Variants in ZNF345 observed in about 807,000 individuals in gnomAD.
ZNF345 encodes zinc finger protein HZF10.
For missense variants in ZNF345, 527 were observed against 589.9 expected, an observed-to-expected ratio of 0.89 and a Z score of 1.10; for synonymous variants, 166 against 187.9, an observed-to-expected ratio of 0.88 and a Z score of 0.95.
intron 2 of ZNF345, among the ~76,000 whole-genome samples, chr19:36,852,491 G>A (rs1432539261): frequency 6.6e-6 from 1 of 151,890 alleles, no homozygotes; most frequent in Non-Finnish European, 1.5e-5. Flanking sequence ...CGCGCCTGTA[G>A]TCCCAGCTAC....
chr19:36,890,932 A>ATTC (rs1213955288), intron 3 of ZNF345: 1 of 152,274 alleles, frequency 6.6e-6, no homozygotes, highest in Non-Finnish European at 1.5e-5. Flanking sequence ...AGACAAAATC[A>ATTC]TTCTAACAGG....
chr19:36,887,037 C>T (rs2073004935), intron 3 of ZNF345, among the ~76,000 whole-genome samples: 1 of 150,936 alleles, frequency 6.6e-6, no homozygotes, highest in Non-Finnish European at 1.5e-5. Context: ...GTGGTGGGTG[C>T]CTGTAATCCC....
At chr19:36,852,877 G>GT (rs974865014) in intron 2 of ZNF345, among the ~76,000 whole-genome samples, 2,172 of 137,510 alleles carry the variant, frequency 0.016, 22 homozygotes, top group Non-Finnish European at 0.025. Context: ...TGTTTTTTTT[G>GT]TTTTTTTTTT....
rs2073067213 is a variant in ZNF345, at chr19:36,892,493, A to C, written c.47-325A>C. The C allele has an allele frequency of 2.1e-5, 32 of 1,537,832 alleles. No individual in the cohort carries two copies. The East Asian group carries it at 7.2e-4, about 35-fold the overall frequency. On this transcript the variant is annotated intron_variant, in intron 3 of 3. Transcript: ENST00000526123. ...AGATCTGAAAGAAAATACAAAGGCA[A>C]ATAAATTTTCCTATTCTGGGCAAGT...
intron 2 of ZNF345, among the ~76,000 whole-genome samples, chr19:36,854,940 A>G (rs934968299): frequency 1.4e-5 from 2 of 143,544 alleles, no homozygotes; most frequent in Admixed American, 1.4e-4. Flanking sequence ...TGTAAGCTCC[A>G]CCTCCTGGGT....
chr19:36,874,140 C>A (rs1460338929), intron 2 of ZNF345, among the ~76,000 whole-genome samples: 1 of 152,172 alleles, frequency 6.6e-6, no homozygotes, highest in Admixed American at 6.5e-5. Flanking sequence ...TGTGGGCTTT[C>A]CTTACTTTTA....
At chr19:36,884,397 C>G (rs1160987963), downstream of ZNF345, among the ~76,000 whole-genome samples, 1 of 152,142 alleles carries the variant, frequency 6.6e-6, no homozygotes, top group African/African-American at 2.4e-5. Flanking sequence ...ATACAAATTA[C>G]AACTAGCCAG....
At chr19:36,867,519 G>A (rs747920897) in intron 2 of ZNF345, among the ~76,000 whole-genome samples, 1 of 152,160 alleles carries the variant, frequency 6.6e-6, no homozygotes, top group Non-Finnish European at 1.5e-5. Context: ...TAACTTGGAT[G>A]AATTTAAATT....
rs78338184 is a variant in ZNF345, at chr19:36,864,251, A to G, written c.-47+12347A>G. The stretch of plus-strand genomic sequence containing the variant: ...CATAAAGAGCAGCCATTGATCGGGC[A>G]TGATGCCTCACATCTGTAATCCCAA... On this transcript the variant is annotated intron_variant, in intron 2 of 2. Transcript: ENST00000420450. Among the ~76,000 whole-genome samples, 805 of 152,372 alleles carry G rather than the reference A, an allele frequency of 5.3e-3. 22 individuals carry two copies. Among genetic ancestry groups the G allele is most frequent in the Admixed American group, 0.038 (579 of 15,300 alleles).
chr19:36,889,695 C>T (rs2073032401), intron 3 of ZNF345: 1 of 152,072 alleles, frequency 6.6e-6, no homozygotes. Context: ...AGTGGTCTGT[C>T]AGTTTTATCT....
At chr19:36,870,382 T>A (rs1255190481) in intron 2 of ZNF345, among the ~76,000 whole-genome samples, 1 of 152,194 alleles carries the variant, frequency 6.6e-6, no homozygotes, top group East Asian at 1.9e-4. Context: ...TCTTCTATGA[T>A]CCTTTTTTTC....
chr19:36,876,985 A>T lies in ZNF345; in HGVS notation c.155A>T (p.His52Leu). The change falls in exon 3 of 3, where the codon CAT becomes CTT. Residue 52 changes from histidine (H) to leucine (L), a missense_variant. Transcript: ENST00000420450. ...GACATGCCCACTTTCAGTATCCAGC[A>T]TCAGAGAATTCATACTGATGAGAAA... ...PEDMPTFSIQ[H>L]QRIHTDEKLL... 6.2e-7 allele frequency: 1 copy of T among 1,614,176 alleles called. No individual in the cohort carries two copies. The highest frequency in any genetic ancestry group is 2.2e-5 in the East Asian group (1 of 44,878).
Position 36,853,249 on chromosome 19 carries a change from T to C in ZNF345, c.-47+1345T>C, listed in dbSNP as rs548365977. ...AAAAGCTTGCTTTCTTTCTTTCTTT[T>C]TTTTTTTTTTTTTTTTGACTCGAAG... On this transcript the variant is annotated intron_variant, in intron 2 of 2. Coordinates refer to ENST00000420450, the MANE Select transcript of ZNF345 (RefSeq NM_001242472.2). Among the ~76,000 whole-genome samples the C allele has an allele frequency of 6.8e-3, 995 of 147,160 alleles. 5 individuals carry two copies. Among genetic ancestry groups the C allele is most frequent in the Middle Eastern group, 0.017 (5 of 286 alleles).
intron 2 of ZNF345, among the ~76,000 whole-genome samples, chr19:36,872,127 C>T (rs2072783528): frequency 6.6e-6 from 1 of 152,274 alleles, no homozygotes; most frequent in East Asian, 1.9e-4. Flanking sequence ...TAGAATGTCA[C>T]ATAACCTTTA....
At position 36,876,674 on chromosome 19, in the gene ZNF345, C is replaced by T. The variant is rs1439046883; in HGVS notation, c.-46-111C>T. On this transcript the variant is annotated intron_variant, in intron 2 of 2. Transcript: ENST00000420450. Reference sequence around the variant, plus strand: ...TCATATGTGAGAACTGTATAAACCACTCAATTTTTATGAAAATTAAATTGT... The same window carrying T: ...TCATATGTGAGAACTGTATAAACCATTCAATTTTTATGAAAATTAAATTGT... The T allele has an allele frequency of 2.0e-5, 14 of 717,272 alleles. 1 individual carries two copies. The highest frequency in any genetic ancestry group is 2.8e-5 in the Non-Finnish European group (13 of 457,544). 44.4% of individuals were successfully genotyped at this position (717,272 alleles called of 1,614,324 possible).
intron 2 of ZNF345, among the ~76,000 whole-genome samples, chr19:36,857,904 T>C (rs917879811): frequency 6.6e-6 from 1 of 152,114 alleles, no homozygotes; most frequent in African/African-American, 2.4e-5. Flanking sequence ...GCCTCCCAAG[T>C]AGCTGGGATT....
chr19:36,877,077 A>T lies in ZNF345; in HGVS notation c.247A>T (p.Ile83Phe). The T allele has an allele frequency of 6.2e-7, 1 of 1,614,170 alleles. No individual in the cohort carries two copies. The highest frequency in any genetic ancestry group is 8.5e-7 in the Non-Finnish European group (1 of 1,180,010). The change falls in exon 3 of 3, where the codon ATT becomes TTT. Residue 83 changes from isoleucine (I) to phenylalanine (F), a missense_variant. Coordinates refer to ENST00000420450, the MANE Select transcript of ZNF345 (RefSeq NM_001242472.2). ...FVSVLVRHQR[I>F]HTGEKPYECK... ...ATCAGTCCTTGTTCGACATCAGCGA[A>T]TTCATACTGGTGAGAAACCTTATGA... is the stretch of plus-strand genomic sequence containing the variant.
At chr19:36,864,567 G>A (rs1489300366) in intron 2 of ZNF345, among the ~76,000 whole-genome samples, 1 of 152,020 alleles carries the variant, frequency 6.6e-6, no homozygotes, top group Non-Finnish European at 1.5e-5. Context: ...CACTACTAAT[G>A]GTAGAGAGTC....
chr19:36,890,317 G>A (rs1320088590), intron 3 of ZNF345: 1 of 152,118 alleles, frequency 6.6e-6, no homozygotes, highest in Non-Finnish European at 1.5e-5. Context: ...GAGTTTCTTT[G>A]TTGATTTCTG....
Sources: gnomAD v4.1 joint callset for allele counts (sites outside exome capture counted in the v4.1 genomes callset) on GRCh38, gnomAD v4.1.1 for gene constraint, MANE v1.5 for transcripts, NCBI Gene and HGNC (gene_info 2026-07-23, HGNC 2026-07-21) for gene names.